LGSN: variants seen among roughly 807,000 people sequenced by gnomAD.
LGSN encodes lengsin, lens protein with glutamine synthetase domain.
LGSN carries 21 observed loss-of-function variants against 19.5 expected under a neutral mutation model. The observed-to-expected ratio is 1.07, with a 90% CI of 0.76 to 1.55. The LOEUF (loss-of-function observed/expected upper bound fraction) is 1.55, where lower values mean the gene tolerates loss of function less well. Among genes scored for constraint, LGSN ranks in the 40% most tolerant of loss-of-function variants. LGSN has a pLI of 0.00. For missense variants in LGSN, 673 were observed against 608.5 expected (o/e 1.11, Z -1.12); for synonymous variants, 257 against 215.6 (o/e 1.19, Z -1.68).
At chr6:63,552,136 T>G in the LGSN span, among the ~76,000 whole-genome samples, 1 of 152,330 alleles carries the variant, frequency 6.6e-6, no homozygotes, top group Admixed American at 6.5e-5. Flanking sequence ...CCACAATGGT[T>G]GAACTAGTTT....
At chr6:63,386,663 AC>A in the LGSN span, among the ~76,000 whole-genome samples, 10 of 152,174 alleles carry the variant, frequency 6.6e-5, no homozygotes, top group African/African-American at 2.2e-4. Flanking sequence ...TATACACTCA[AC>A]ATTGAAGTTC....
At chr6:63,286,660 T>G (rs958746285) in intron 2 of LGSN, among the ~76,000 whole-genome samples, 1 of 152,214 alleles carries the variant, frequency 6.6e-6, no homozygotes, top group Non-Finnish European at 1.5e-5. Flanking sequence ...GCACATAGAA[T>G]GGTCAGGCAA....
chr6:63,284,574 A>G (rs994290044), intron 3 of LGSN, among the ~76,000 whole-genome samples: 1 of 152,152 alleles, frequency 6.6e-6, no homozygotes, highest in Non-Finnish European at 1.5e-5. Context: ...TGAACAGCAA[A>G]CAGTTTTACA....
intron 3 of LGSN, 102 bp from the exon 4 acceptor site, chr6:63,281,322 T>TATATATATAC (rs1767312534): frequency 6.0e-6 from 1 of 167,866 alleles, no homozygotes; most frequent in Admixed American, 6.6e-5. Flanking sequence ...TATATATATA[T>TATATATATAC]ATATATATAA....
At chr6:63,446,067 G>A in the LGSN span, among the ~76,000 whole-genome samples, 9 of 151,936 alleles carry the variant, frequency 5.9e-5, no homozygotes, top group Non-Finnish European at 8.8e-5. Context: ...CAGCCAATAC[G>A]GTGAAACCCC....
chr6:63,324,312 G>A (rs778222586), upstream of LGSN, among the ~76,000 whole-genome samples: 4 of 152,130 alleles, frequency 2.6e-5, no homozygotes, highest in Admixed American at 1.3e-4. Flanking sequence ...AGGAAACACT[G>A]TTTTTTAAAG....
At chr6:63,529,560 T>C in the LGSN span, among the ~76,000 whole-genome samples, 9 of 152,178 alleles carry the variant, frequency 5.9e-5, no homozygotes, top group African/African-American at 9.7e-5. Context: ...TTCTCACCCC[T>C]TTCTTTCCTT....
the LGSN span, among the ~76,000 whole-genome samples, chr6:63,353,226 A>G: frequency 6.6e-6 from 1 of 152,116 alleles, no homozygotes; most frequent in African/African-American, 2.4e-5. Context: ...GGTCAGTAAC[A>G]CCAAAGGGGA....
At chr6:63,533,182 T>C in the LGSN span, among the ~76,000 whole-genome samples, 1 of 152,138 alleles carries the variant, frequency 6.6e-6, no homozygotes, top group Non-Finnish European at 1.5e-5. Flanking sequence ...ACGAGTTCAA[T>C]ACAAGCTTGG....
chr6:63,569,690 A>G, the LGSN span, among the ~76,000 whole-genome samples: 2 of 152,238 alleles, frequency 1.3e-5, no homozygotes, highest in Non-Finnish European at 2.9e-5. Flanking sequence ...TGAGAGAAGT[A>G]ACTTCCAGCT....
the LGSN span, among the ~76,000 whole-genome samples, chr6:63,364,599 A>G: frequency 6.6e-6 from 1 of 152,234 alleles, no homozygotes; most frequent in Non-Finnish European, 1.5e-5. Context: ...ATAGACATCT[A>G]CATAACTCTC....
the LGSN span, among the ~76,000 whole-genome samples, chr6:63,483,584 C>T: frequency 6.6e-6 from 1 of 152,106 alleles, no homozygotes; most frequent in East Asian, 1.9e-4. Flanking sequence ...GCTGGGATTA[C>T]AGGCATGAGC....
At chr6:63,505,494 C>T in the LGSN span, among the ~76,000 whole-genome samples, 2 of 143,582 alleles carry the variant, frequency 1.4e-5, no homozygotes, top group Non-Finnish European at 3.0e-5. Flanking sequence ...AGGAAAATTT[C>T]TTGAACCCAG....
At chr6:63,286,024 G>A (rs147644652) in intron 2 of LGSN, among the ~76,000 whole-genome samples, 1 of 152,172 alleles carries the variant, frequency 6.6e-6, no homozygotes, top group African/African-American at 2.4e-5. Context: ...GATATCATAC[G>A]TAGATACTTA....
chr6:63,360,823 G>A, the LGSN span, among the ~76,000 whole-genome samples: 1 of 152,204 alleles, frequency 6.6e-6, no homozygotes, highest in Admixed American at 6.5e-5. Flanking sequence ...GTGATGTACA[G>A]ATGGGGTTTT....
At chr6:63,476,768 C>T in the LGSN span, among the ~76,000 whole-genome samples, 1 of 152,196 alleles carries the variant, frequency 6.6e-6, no homozygotes, top group Non-Finnish European at 1.5e-5. Flanking sequence ...GTGATATTGG[C>T]ACTGAACTTT....
chr6:63,441,449 T>C, the LGSN span: 1 of 447,284 alleles, frequency 2.2e-6, no homozygotes, highest in South Asian at 1.9e-5. Context: ...CTGGCCAAGG[T>C]GGCAGGTGAT....
chr6:63,518,776 C>T, the LGSN span, among the ~76,000 whole-genome samples: 2 of 152,000 alleles, frequency 1.3e-5, no homozygotes, highest in Non-Finnish European at 2.9e-5. Flanking sequence ...CATAAATGTA[C>T]CTGGGAAGTT....
chr6:63,454,793 C>CTTTTTTTTTT, the LGSN span, among the ~76,000 whole-genome samples: 257 of 91,700 alleles, frequency 2.8e-3, no homozygotes, highest in Non-Finnish European at 4.0e-3. Flanking sequence ...TTTTCTTTTT[C>CTTTTTTTTTT]TTTTTTTTTT....
Sources: gnomAD v4.1 joint callset for allele counts (sites outside exome capture counted in the v4.1 genomes callset) on GRCh38, gnomAD v4.1.1 for gene constraint, MANE v1.5 for transcripts, NCBI Gene and HGNC (gene_info 2026-07-23, HGNC 2026-07-21) for gene names.